The following PTPRT variants were observed in gnomAD, a reference collection of about 807,000 sequenced individuals.
The protein encoded by PTPRT is protein tyrosine phosphatase receptor type T.
A neutral mutation model predicts 176.8 loss-of-function variants in PTPRT; 56 were observed. The observed-to-expected ratio is 0.32, with a 90% CI of 0.26 to 0.40. PTPRT has a LOEUF of 0.40. Among genes scored for constraint, PTPRT ranks in the 10% least tolerant of loss-of-function variants. The pLI, the probability that PTPRT is intolerant of heterozygous loss-of-function variation, is 1.00. For synonymous variants in PTPRT, 783 were observed against 739.0 expected (o/e 1.06, Z -0.96); for missense variants, 1,540 against 1,908.2 (o/e 0.81, Z 3.60).
chr20:42,627,755 ATT>A (rs931660634), intron 7 of PTPRT, among the ~76,000 whole-genome samples: 21 of 150,046 alleles, frequency 1.4e-4, no homozygotes, highest in African/African-American at 4.9e-4. Context: ...TGTCTTTCGT[ATT>A]TTTTTTTTAA....
intron 6 of PTPRT, among the ~76,000 whole-genome samples, chr20:42,709,213 G>A: frequency 6.6e-6 from 1 of 152,178 alleles, no homozygotes; most frequent in East Asian, 1.9e-4. Flanking sequence ...AGTTACAGAT[G>A]GCGGCTGCTC....
intron 1 of PTPRT, among the ~76,000 whole-genome samples, chr20:43,058,583 T>A (rs1987332601): frequency 6.6e-6 from 1 of 152,166 alleles, no homozygotes; most frequent in Admixed American, 6.5e-5. Context: ...TCAGAAATGG[T>A]ATTGTAATGT....
chr20:42,114,881 GCCT>G (rs1482165123), intron 22 of PTPRT, among the ~76,000 whole-genome samples: 5 of 152,028 alleles, frequency 3.3e-5, no homozygotes, highest in African/African-American at 9.6e-5. Flanking sequence ...CTGCCCAAAT[GCCT>G]CCTCTGCTAA....
chr20:42,755,765 A>AG (rs1466959143), intron 6 of PTPRT, among the ~76,000 whole-genome samples: 2 of 152,220 alleles, frequency 1.3e-5, no homozygotes, highest in African/African-American at 4.8e-5. Flanking sequence ...AAAGAAAAAA[A>AG]CAAGACACGT....
intron 1 of PTPRT, among the ~76,000 whole-genome samples, chr20:43,099,165 G>A (rs946631214): frequency 2.0e-5 from 3 of 151,792 alleles, no homozygotes; most frequent in Admixed American, 6.6e-5. Context: ...TTTATATCAT[G>A]AGCAGGGGAA....
At chr20:43,066,687 T>C (rs2011115086) in intron 1 of PTPRT, among the ~76,000 whole-genome samples, 1 of 152,180 alleles carries the variant, frequency 6.6e-6, no homozygotes, top group Non-Finnish European at 1.5e-5. Context: ...CTGTGGGGCA[T>C]AGCACGGAGT....
intron 9 of PTPRT, among the ~76,000 whole-genome samples, chr20:42,437,582 T>C (rs961334438): frequency 1.3e-5 from 2 of 152,214 alleles, no homozygotes; most frequent in African/African-American, 4.8e-5. Flanking sequence ...TATGTATGTA[T>C]GTATTGAAAC....
rs928161775 is a variant in PTPRT, at chr20:43,004,439, T to C, written c.89-118507A>G. Among the ~76,000 whole-genome samples the C allele has an allele frequency of 8.5e-5, 13 of 152,266 alleles. No homozygotes were observed. In the East Asian group the frequency reaches 2.5e-3, roughly 29 times the overall value. The stretch of plus-strand genomic sequence containing the variant: ...TCCCACAAGATTATCTAACTAATAA[T>C]TAAACAAAAATGTCAACTAATAGAC... On this transcript the variant is annotated intron_variant, in intron 1 of 30. Coordinates refer to ENST00000373187, the MANE Select transcript of PTPRT (RefSeq NM_007050.6).
intron 14 of PTPRT, among the ~76,000 whole-genome samples, chr20:42,248,216 T>A (rs1288594861): frequency 6.6e-6 from 1 of 152,108 alleles, no homozygotes; most frequent in Non-Finnish European, 1.5e-5. Flanking sequence ...AGACTCTATC[T>A]CTCATGGAGA....
chr20:42,634,881 A>C (rs2074559605), intron 7 of PTPRT, among the ~76,000 whole-genome samples: 1 of 152,138 alleles, frequency 6.6e-6, no homozygotes, highest in Non-Finnish European at 1.5e-5. Flanking sequence ...TTATAAAACA[A>C]ACATTAAAGT....
chr20:42,055,476 G>A, the PTPRT span, among the ~76,000 whole-genome samples: 1 of 152,226 alleles, frequency 6.6e-6, no homozygotes. Context: ...AGCTGCAAGA[G>A]CAGCCAGGCC....
At position 42,284,210 on chromosome 20, in the gene PTPRT, A is replaced by G. The variant is rs541214711; in HGVS notation, c.2140-1685T>C. 1.4e-4 allele frequency among the ~76,000 whole-genome samples: 22 copies of G among 152,164 alleles called. No individual in the cohort carries two copies. The South Asian group carries it at 3.9e-3, about 27-fold the overall frequency. On this transcript the variant is annotated intron_variant, in intron 12 of 30. Coordinates refer to ENST00000373187, the MANE Select transcript of PTPRT (RefSeq NM_007050.6). The stretch of plus-strand genomic sequence containing the variant: ...TGATACATGATTATATTGATATATG[A>G]TTATCTAGACTATCACTATTATCCT...
At chr20:42,670,943 T>C (rs1053660336) in intron 7 of PTPRT, among the ~76,000 whole-genome samples, 3 of 152,066 alleles carry the variant, frequency 2.0e-5, no homozygotes, top group Non-Finnish European at 4.4e-5. Context: ...AACTTACAAG[T>C]GGGTGTTTCA....
chr20:42,601,357 C>A (rs1359685208), intron 7 of PTPRT, among the ~76,000 whole-genome samples: 1 of 152,148 alleles, frequency 6.6e-6, no homozygotes, highest in African/African-American at 2.4e-5. Flanking sequence ...CCATCTCACC[C>A]GTCACAAAAG....
intron 21 of PTPRT, 25 bp from the exon 22 acceptor site, chr20:42,115,340 C>T (rs2146312809): frequency 6.4e-7 from 1 of 1,553,536 alleles, no homozygotes; most frequent in Non-Finnish European, 8.9e-7. Context: ...GAGACAGAGA[C>T]AGAGACAGAA....
intron 9 of PTPRT, among the ~76,000 whole-genome samples, chr20:42,377,827 G>GAAGCC (rs1013963421): frequency 2.0e-5 from 3 of 152,214 alleles, no homozygotes; most frequent in African/African-American, 7.2e-5. Flanking sequence ...AGAGAAAGAT[G>GAAGCC]AAGCCAGAGT....
intron 9 of PTPRT, among the ~76,000 whole-genome samples, chr20:42,402,771 C>T (rs1004083255): frequency 1.3e-4 from 20 of 148,840 alleles, no homozygotes; most frequent in Non-Finnish European, 2.1e-4. Flanking sequence ...CTACTCATGC[C>T]GCTTTGTGTT....
At chr20:43,154,484 A>T (rs1260112169) in intron 1 of PTPRT, among the ~76,000 whole-genome samples, 1 of 152,162 alleles carries the variant, frequency 6.6e-6, no homozygotes, top group Non-Finnish European at 1.5e-5. Context: ...TTTGTTCAAG[A>T]TTGCTTTGGC....
At chr20:42,560,757 G>C (rs1424481019) in intron 7 of PTPRT, among the ~76,000 whole-genome samples, 3 of 152,198 alleles carry the variant, frequency 2.0e-5, no homozygotes, top group Non-Finnish European at 4.4e-5. Context: ...TCTGAGGGCA[G>C]TGACTAGGGC....
Sources: gnomAD v4.1 joint callset for allele counts (sites outside exome capture counted in the v4.1 genomes callset) on GRCh38, gnomAD v4.1.1 for gene constraint, MANE v1.5 for transcripts, NCBI Gene and HGNC (gene_info 2026-07-23, HGNC 2026-07-21) for gene names.